SH3RF3: variants seen among roughly 807,000 people sequenced by gnomAD.
SH3RF3 encodes the protein SH3 domain containing ring finger 3.
In SH3RF3, 29 loss-of-function variants were observed where a neutral mutation model predicts 66.3. That is an observed-to-expected ratio of 0.44 (90% CI 0.33 to 0.60). The LOEUF (loss-of-function observed/expected upper bound fraction) is 0.60, where lower values mean the gene tolerates loss of function less well. Among genes scored for constraint, SH3RF3 ranks in the 20% least tolerant of loss-of-function variants. The pLI is 0.04. For missense variants in SH3RF3, 1,194 were observed against 1,190.9 expected, an observed-to-expected ratio of 1.00 and a Z score of -0.04; for synonymous variants, 583 against 532.0, an observed-to-expected ratio of 1.10 and a Z score of -1.32.
At position 109,471,259 on chromosome 2, in the gene SH3RF3, T is replaced by G. The variant is rs1573279620; in HGVS notation, c.2149-19346T>G. Among the ~76,000 whole-genome samples, 5 of 144,228 alleles carry G rather than the reference T, an allele frequency of 3.5e-5. No homozygotes were observed. The South Asian group carries it at 9.1e-4, about 26-fold the overall frequency. The allele number at this position is 144,228 out of a possible 152,430, so 94.6% of individuals were successfully genotyped here. A position where few individuals can be genotyped will look rare whatever the true frequency, so the allele number is the denominator to read the frequency against. ...AATTAATACCTGAGACTGAGTAATG[T>G]ATAAAGGAAAGAGGTTTGATTGACT... is the stretch of plus-strand genomic sequence containing the variant. On this transcript the variant is annotated intron_variant, in intron 8 of 9. Transcript: ENST00000309415.
chr2:109,404,312 C>T (rs1012783741), intron 4 of SH3RF3, among the ~76,000 whole-genome samples: 1 of 152,272 alleles, frequency 6.6e-6, no homozygotes, highest in East Asian at 1.9e-4. Flanking sequence ...GCTGTGAAAC[C>T]GAGGAGAGAG....
intron 9 of SH3RF3, among the ~76,000 whole-genome samples, chr2:109,494,478 G>C (rs1389869791): frequency 6.6e-6 from 1 of 151,424 alleles, no homozygotes; most frequent in African/African-American, 2.4e-5. Flanking sequence ...CTGGGAAAAT[G>C]CTGACTCCTC....
intron 1 of SH3RF3, among the ~76,000 whole-genome samples, chr2:109,164,822 A>T (rs377454666): frequency 6.6e-6 from 1 of 152,170 alleles, no homozygotes; most frequent in African/African-American, 2.4e-5. Flanking sequence ...CCAGGAAGTG[A>T]GTTTCTAACT....
chr2:109,337,994 A>G (rs1233329166), intron 1 of SH3RF3, among the ~76,000 whole-genome samples: 1 of 151,954 alleles, frequency 6.6e-6, no homozygotes. Context: ...GGCCTCCCAA[A>G]GTGTTGGGAT....
intron 1 of SH3RF3, among the ~76,000 whole-genome samples, chr2:109,204,527 T>C (rs898279759): frequency 1.3e-5 from 2 of 152,226 alleles, no homozygotes; most frequent in African/African-American, 2.4e-5. Flanking sequence ...ATTGTACATA[T>C]ATTTGTGTGC....
At chr2:109,374,327 G>C (rs533324163) in intron 3 of SH3RF3, among the ~76,000 whole-genome samples, 3 of 152,266 alleles carry the variant, frequency 2.0e-5, no homozygotes, top group Non-Finnish European at 2.9e-5. Context: ...GGCAGCCTCA[G>C]CTCTGATACA....
rs553090938 is a variant in SH3RF3, at chr2:109,355,164, A to G, written c.849+7215A>G. 1.2e-3 allele frequency among the ~76,000 whole-genome samples: 178 copies of G among 152,350 alleles called. 1 individual carries two copies. Among genetic ancestry groups the G allele is most frequent in the Non-Finnish European group, 1.8e-4 (12 of 68,032 alleles). On this transcript the variant is annotated intron_variant, in intron 2 of 9. Coordinates refer to ENST00000309415, the MANE Select transcript of SH3RF3 (RefSeq NM_001099289.3). ...AGGGAATAGGGAAAACAGCATATGA[A>G]AGTCTACGGGCCCACAGTGAGTAAT... is the stretch of plus-strand genomic sequence containing the variant.
intron 2 of SH3RF3, among the ~76,000 whole-genome samples, chr2:109,360,052 T>A (rs1301744522): frequency 7.3e-6 from 1 of 137,614 alleles, no homozygotes; most frequent in Non-Finnish European, 1.6e-5. Context: ...ACTTCTGATG[T>A]TTCCTTGCAC....
intron 1 of SH3RF3, among the ~76,000 whole-genome samples, chr2:109,263,836 C>T (rs536115138): frequency 2.2e-4 from 33 of 152,242 alleles, no homozygotes; most frequent in South Asian, 6.2e-4. Context: ...GGCATGGTGG[C>T]GGGAGCCTGT....
At chr2:109,319,810 C>G (rs1681979520) in intron 1 of SH3RF3, among the ~76,000 whole-genome samples, 1 of 152,218 alleles carries the variant, frequency 6.6e-6, no homozygotes, top group Non-Finnish European at 1.5e-5. Context: ...TTTTTCCAGC[C>G]AAACAAAGGC....
intron 8 of SH3RF3, among the ~76,000 whole-genome samples, chr2:109,471,564 T>TG (rs1678510622): frequency 2.6e-5 from 4 of 152,156 alleles, no homozygotes; most frequent in Non-Finnish European, 5.9e-5. Context: ...AGCCAAACCA[T>TG]ATCAGTCAGT....
chr2:109,385,846 C>T (rs1439275393), intron 3 of SH3RF3, among the ~76,000 whole-genome samples: 6 of 152,240 alleles, frequency 3.9e-5, no homozygotes, highest in South Asian at 2.1e-4. Context: ...CAAATTTACA[C>T]GTCCATAAAG....
At chr2:109,214,828 G>A (rs1679071760) in intron 1 of SH3RF3, among the ~76,000 whole-genome samples, 1 of 152,188 alleles carries the variant, frequency 6.6e-6, no homozygotes, top group South Asian at 2.1e-4. Flanking sequence ...GTATATTGGA[G>A]ACTGAGTTCC....
At chr2:109,380,243 C>T (rs1312301846) in intron 3 of SH3RF3, among the ~76,000 whole-genome samples, 2 of 152,126 alleles carry the variant, frequency 1.3e-5, no homozygotes, top group Non-Finnish European at 2.9e-5. Flanking sequence ...TTGAGGTCTT[C>T]GTGAAATTAA....
chr2:109,434,617 C>T (rs545971741), intron 6 of SH3RF3, among the ~76,000 whole-genome samples: 1 of 152,344 alleles, frequency 6.6e-6, no homozygotes, highest in Admixed American at 6.5e-5. Context: ...GAGCTGGGTC[C>T]TAAGTCCACT....
intron 2 of SH3RF3, among the ~76,000 whole-genome samples, chr2:109,354,082 A>G (rs780414847): frequency 5.3e-5 from 8 of 152,200 alleles, no homozygotes; most frequent in Admixed American, 1.3e-4. Flanking sequence ...CCCACCATAG[A>G]TGGCAGTCGG....
At chr2:109,376,442 G>T (rs1574606707) in intron 3 of SH3RF3, among the ~76,000 whole-genome samples, 1 of 152,358 alleles carries the variant, frequency 6.6e-6, no homozygotes, top group African/African-American at 2.4e-5. Context: ...TGGGTGGCTT[G>T]CATGGAGACT....
At chr2:109,434,231 C>T (rs1463046219) in intron 6 of SH3RF3, among the ~76,000 whole-genome samples, 8 of 152,224 alleles carry the variant, frequency 5.3e-5, no homozygotes, top group Admixed American at 5.2e-4. Flanking sequence ...CACCTCTGGG[C>T]TCGCCCGCCC....
chr2:109,131,824 T>G (rs1333632541), intron 1 of SH3RF3, among the ~76,000 whole-genome samples: 1 of 152,236 alleles, frequency 6.6e-6, no homozygotes, highest in Non-Finnish European at 1.5e-5. Context: ...TGTTCATGAC[T>G]TTTTGTGTTT....
Sources: allele counts gnomAD v4.1 joint callset (sites outside exome capture counted in the v4.1 genomes callset), GRCh38; gene constraint gnomAD v4.1.1; transcripts MANE v1.5; gene names NCBI Gene and HGNC (gene_info 2026-07-23, HGNC 2026-07-21).